RPL35A: variants seen among roughly 807,000 people sequenced by gnomAD.
RPL35A encodes large ribosomal subunit protein eL33.
RPL35A carries 1 observed loss-of-function variant against 16.7 expected under a neutral mutation model. That is an observed-to-expected ratio of 0.06 (90% CI 0.02 to 0.28). RPL35A has a LOEUF of 0.28. Among genes scored for constraint, RPL35A ranks in the 10% least tolerant of loss-of-function variants. The probability of loss-of-function intolerance (pLI) is 1.00; values close to 1 mark genes in which losing one functional copy is unlikely to be tolerated. For missense variants in RPL35A, 91 were observed against 138.7 expected, an observed-to-expected ratio of 0.66 and a Z score of 1.73; for synonymous variants, 58 against 47.0, an observed-to-expected ratio of 1.23 and a Z score of -0.96.
In RPL35A at chr3:197,953,994, T is replaced by C. The variant is rs774545545; in HGVS notation, c.165-9T>C. On this transcript the variant is annotated splice_polypyrimidine_tract_variant and intron_variant, in intron 3 of 4. Coordinates refer to ENST00000647248, the MANE Select transcript of RPL35A (RefSeq NM_000996.4). ...CTTGTATTCCTCTTCTTTCCCTTTT[T>C]AAAATCAGCAACACAGTCACTCCTG... is the stretch of plus-strand genomic sequence containing the variant. The C allele has an allele frequency of 1.9e-6, 3 of 1,612,138 alleles. No homozygotes were observed. In the African/African-American group the frequency reaches 4.0e-5, roughly 22 times the overall value.
rs1234012098 is a variant in RPL35A, at chr3:197,956,029, TGCTC to T, written c.*260_*263del. ...TGTTGCCCATGCTGGAGTGTAGTGGTGCTCGCTGCAGCCTCACATTCAAAGGCTC... is the reference window on the plus strand; with the variant it reads ...TGTTGCCCATGCTGGAGTGTAGTGGTGCTGCAGCCTCACATTCAAAGGCTC... On this transcript the variant is annotated 3_prime_UTR_variant, in exon 5 of 5. Coordinates refer to ENST00000647248, the MANE Select transcript of RPL35A (RefSeq NM_000996.4). 6.3e-6 allele frequency: 3 copies of T among 473,842 alleles called. No individual in the cohort carries two copies. The East Asian group carries it at 1.2e-4, about 19-fold the overall frequency. 29.4% of individuals were successfully genotyped at this position (473,842 alleles called of 1,614,324 possible).
In RPL35A at chr3:197,956,131, A is replaced by T. The variant is rs1720506184; in HGVS notation, c.*358A>T. On this transcript the variant is annotated 3_prime_UTR_variant, in exon 5 of 5. Coordinates refer to ENST00000647248, the MANE Select transcript of RPL35A (RefSeq NM_000996.4). ...GCCACCATCCCTGGGTCATTTTTAAATTTTTTGTAGAGAGGGTCTGACTCT... is the reference window on the plus strand; with the variant it reads ...GCCACCATCCCTGGGTCATTTTTAATTTTTTTGTAGAGAGGGTCTGACTCT... The T allele has an allele frequency of 3.5e-6, 1 of 282,798 alleles. No homozygotes were observed. The highest frequency in any genetic ancestry group is 6.9e-6 in the Non-Finnish European group (1 of 144,338). 17.5% of individuals were successfully genotyped at this position (282,798 alleles called of 1,614,324 possible).
chr3:197,953,980 CTT>C (rs766481637), intron 3 of RPL35A, 21 bp from the exon 4 acceptor site: 21 of 1,611,752 alleles, frequency 1.3e-5, no homozygotes, highest in Admixed American at 1.0e-4. Context: ...TTGTATTCCT[CTT>C]CTTTCCCTTT....
chr3:197,952,172 T>G (rs1424939864), intron 3 of RPL35A, among the ~76,000 whole-genome samples: 2 of 135,604 alleles, frequency 1.5e-5, no homozygotes, highest in African/African-American at 2.7e-5. Flanking sequence ...GTTTTTTTTT[T>G]TTTTTTTTTT....
chr3:197,954,270 T>G (rs1170477226), intron 4 of RPL35A, 123 bp downstream of exon 4: 4 of 936,252 alleles, frequency 4.3e-6, no homozygotes, highest in Non-Finnish European at 6.9e-6. Context: ...GCTGCAAAAT[T>G]TGTGTATTGC....
At chr3:197,955,578 GA>G (rs1430320422) in intron 4 of RPL35A, among the ~76,000 whole-genome samples, 171 bp from the exon 5 acceptor site, 1 of 152,168 alleles carries the variant, frequency 6.6e-6, no homozygotes, top group East Asian at 1.9e-4. Flanking sequence ...TGTTTTTTAT[GA>G]GTGCCGGTTC....
At position 197,956,260 on chromosome 3, in the gene RPL35A, T is replaced by A. The variant is rs1720515606; in HGVS notation, c.*487T>A. On this transcript the variant is annotated 3_prime_UTR_variant, in exon 5 of 5. Coordinates refer to ENST00000647248, the MANE Select transcript of RPL35A (RefSeq NM_000996.4). Reference sequence around the variant, plus strand: ...TGAGCCACCACACCTGCCAAGTGCTTTGTGATACTATGCATTTGTTCAATG... The same window carrying A: ...TGAGCCACCACACCTGCCAAGTGCTATGTGATACTATGCATTTGTTCAATG... 5.6e-6 allele frequency: 1 copy of A among 179,738 alleles called. No homozygotes were observed. Among genetic ancestry groups the A allele is most frequent in the Admixed American group, 5.5e-5 (1 of 18,348 alleles). 11.1% of individuals were successfully genotyped at this position (179,738 alleles called of 1,614,324 possible).
chr3:197,951,049 CAAG>C, intron 2 of RPL35A, 71 bp downstream of exon 2: 1 of 1,602,976 alleles, frequency 6.2e-7, no homozygotes, highest in Non-Finnish European at 8.5e-7. Flanking sequence ...TTAAAATTGG[CAAG>C]AAAAAACTTA....
At position 197,955,966 on chromosome 3, in the gene RPL35A, C is replaced by T. The variant is rs199712455; in HGVS notation, c.*193C>T. Reference sequence around the variant, plus strand: ...GCGAGTACAGAGATTTAGAAGGGAACGGGTTTTAATGCGAGTATCTTTGAC... The same window carrying T: ...GCGAGTACAGAGATTTAGAAGGGAATGGGTTTTAATGCGAGTATCTTTGAC... On this transcript the variant is annotated 3_prime_UTR_variant, in exon 5 of 5. Transcript: ENST00000647248. 29 of 593,468 alleles carry T rather than the reference C, an allele frequency of 4.9e-5. No homozygotes were observed. Among genetic ancestry groups the T allele is most frequent in the East Asian group, 3.8e-4 (13 of 33,906 alleles). The allele number at this position is 593,468 out of a possible 1,614,324, so 36.8% of individuals were successfully genotyped here. A position where few individuals can be genotyped will look rare whatever the true frequency, so the allele number is the denominator to read the frequency against.
intron 3 of RPL35A, chr3:197,951,542 A>G (rs958768660): frequency 2.2e-5 from 11 of 499,968 alleles, no homozygotes; most frequent in African/African-American, 2.0e-4. Context: ...TAGTAGAGAC[A>G]GGGTATTGCC....
chr3:197,953,767 TACTTG>T (rs1720312449), intron 3 of RPL35A: 2 of 589,864 alleles, frequency 3.4e-6, no homozygotes, highest in Non-Finnish European at 6.0e-6. Flanking sequence ...TCCTTAAACT[TACTTG>T]GTTATCATGT....
chr3:197,953,359 A>G (rs1394954133), intron 3 of RPL35A: 2 of 443,872 alleles, frequency 4.5e-6, no homozygotes, highest in African/African-American at 4.0e-5. Context: ...CTGGGTGACA[A>G]GACAACCCCG....
Sources: gnomAD v4.1 joint callset for allele counts (sites outside exome capture counted in the v4.1 genomes callset) on GRCh38, gnomAD v4.1.1 for gene constraint, MANE v1.5 for transcripts, NCBI Gene and HGNC (gene_info 2026-07-23, HGNC 2026-07-21) for gene names.